The following NELL1 variants were observed in gnomAD, a reference collection of about 807,000 sequenced individuals.
NELL1 encodes the protein protein kinase C-binding protein NELL1.
Under a neutral mutation model 107.4 loss-of-function variants are expected in NELL1, and 76 were observed. The ratio of observed to expected loss-of-function variants is 0.71; its 90% confidence interval spans 0.59 to 0.86. NELL1 has a LOEUF of 0.86. Ranked by LOEUF, NELL1 falls within the 40% of genes least tolerant of loss-of-function variation. NELL1 has a pLI of 0.00. For missense variants in NELL1, 1,024 were observed against 1,005.5 expected (o/e 1.02, Z -0.25); for synonymous variants, 353 against 341.2 (o/e 1.03, Z -0.38).
At chr11:21,420,388 G>A (rs1470609977) in intron 15 of NELL1, among the ~76,000 whole-genome samples, 1 of 152,108 alleles carries the variant, frequency 6.6e-6, no homozygotes, top group East Asian at 1.9e-4. Context: ...TTGTAAAAAT[G>A]ATGTAAATGT....
chr11:20,775,314 T>C (rs1286400243), intron 2 of NELL1, among the ~76,000 whole-genome samples: 1 of 152,264 alleles, frequency 6.6e-6, no homozygotes, highest in Non-Finnish European at 1.5e-5. Flanking sequence ...TTTCAGAGTA[T>C]TGGCTGGACA....
intron 3 of NELL1, among the ~76,000 whole-genome samples, chr11:20,839,735 C>A (rs1287046502): frequency 1.3e-5 from 2 of 152,216 alleles, no homozygotes; most frequent in African/African-American, 4.8e-5. Context: ...CACAAGATAT[C>A]TGGGTTCTGA....
intron 14 of NELL1, among the ~76,000 whole-genome samples, chr11:21,310,255 C>T (rs1476951871): frequency 1.3e-5 from 2 of 152,042 alleles, no homozygotes; most frequent in African/African-American, 2.4e-5. Context: ...CTTTCTTTTA[C>T]ATCAATCCTA....
intron 12 of NELL1, among the ~76,000 whole-genome samples, chr11:21,009,404 G>A (rs774125745): frequency 1.3e-5 from 2 of 152,100 alleles, no homozygotes; most frequent in Non-Finnish European, 1.5e-5. Flanking sequence ...TGTTCGTGGT[G>A]CTCACTGCTG....
intron 2 of NELL1, among the ~76,000 whole-genome samples, chr11:20,728,126 G>A (rs377286873): frequency 2.0e-5 from 3 of 152,116 alleles, no homozygotes; most frequent in Non-Finnish European, 4.4e-5. Context: ...GTTTGTTCAC[G>A]TCTTTTATGT....
intron 9 of NELL1, among the ~76,000 whole-genome samples, chr11:20,931,563 G>T (rs894301554): frequency 1.3e-5 from 2 of 151,956 alleles, no homozygotes; most frequent in African/African-American, 4.8e-5. Context: ...CCTTTTGTCA[G>T]TTAAAAAATA....
At chr11:21,296,743 G>A (rs1399746262) in intron 14 of NELL1, among the ~76,000 whole-genome samples, 1 of 151,854 alleles carries the variant, frequency 6.6e-6, no homozygotes, top group Admixed American at 6.6e-5. Flanking sequence ...GATGAATTTG[G>A]AAAATCTGAG....
chr11:21,280,541 G>A (rs1365022842), intron 14 of NELL1, among the ~76,000 whole-genome samples: 1 of 152,102 alleles, frequency 6.6e-6, no homozygotes, highest in Non-Finnish European at 1.5e-5. Flanking sequence ...GGAGAGCATA[G>A]TGATTCTGAG....
chr11:21,553,212 A>G (rs1856632933), intron 16 of NELL1, among the ~76,000 whole-genome samples: 1 of 151,838 alleles, frequency 6.6e-6, no homozygotes, highest in Non-Finnish European at 1.5e-5. Flanking sequence ...CTGTCAAAAT[A>G]GAGAGTTAGT....
chr11:21,112,694 G>A (rs1221158441), intron 12 of NELL1, among the ~76,000 whole-genome samples: 2 of 151,962 alleles, frequency 1.3e-5, no homozygotes, highest in East Asian at 1.9e-4. Flanking sequence ...TGACCATTGG[G>A]ACAAAATGAT....
chr11:21,051,518 C>T (rs960081736), intron 12 of NELL1, among the ~76,000 whole-genome samples: 8 of 151,660 alleles, frequency 5.3e-5, no homozygotes, highest in Non-Finnish European at 1.2e-4. Context: ...CACCTGTTCC[C>T]CAAAAACTTG....
intron 14 of NELL1, among the ~76,000 whole-genome samples, chr11:21,330,968 A>T (rs903828272): frequency 6.6e-5 from 10 of 152,014 alleles, no homozygotes; most frequent in Non-Finnish European, 1.5e-4. Context: ...AGGTTAGCTG[A>T]TTCTTCTACC....
intron 13 of NELL1, among the ~76,000 whole-genome samples, chr11:21,193,216 G>T (rs373476986): frequency 1.3e-5 from 2 of 151,846 alleles, no homozygotes; most frequent in Non-Finnish European, 2.9e-5. Context: ...TAGTTGATCT[G>T]TTTTGCCCAA....
intron 13 of NELL1, among the ~76,000 whole-genome samples, chr11:21,212,931 A>C (rs1289871775): frequency 6.6e-6 from 1 of 152,238 alleles, no homozygotes; most frequent in East Asian, 1.9e-4. Flanking sequence ...ATCTATTTAC[A>C]GAAGGCATAA....
intron 15 of NELL1, among the ~76,000 whole-genome samples, chr11:21,523,883 A>ATG (rs143630794): frequency 3.6e-4 from 55 of 151,550 alleles, no homozygotes; most frequent in South Asian, 8.3e-4. Context: ...CTTTTTTCAT[A>ATG]TGTGTGTGTG....
chr11:20,792,747 T>C (rs1479515026), intron 3 of NELL1, among the ~76,000 whole-genome samples: 1 of 151,948 alleles, frequency 6.6e-6, no homozygotes, highest in Non-Finnish European at 1.5e-5. Flanking sequence ...CTTTGTATCA[T>C]TAAATAATGA....
intron 10 of NELL1, 50 bp from the exon 11 acceptor site, chr11:20,947,286 T>C: frequency 8.0e-7 from 1 of 1,250,862 alleles, no homozygotes; most frequent in Non-Finnish European, 1.2e-6. Context: ...GTTTGTTCCA[T>C]TGACTAAAAA....
intron 3 of NELL1, among the ~76,000 whole-genome samples, chr11:20,826,073 G>A (rs921275685): frequency 1.3e-5 from 2 of 151,456 alleles, no homozygotes; most frequent in African/African-American, 4.8e-5. Flanking sequence ...ATGTGAAGAA[G>A]GATGTGTTTG....
In NELL1 at chr11:21,416,456, A is replaced by G. The variant is rs141932206; in HGVS notation, c.1645+45508A>G. Among the ~76,000 whole-genome samples, 159 of 152,256 alleles carry G rather than the reference A, an allele frequency of 1.0e-3. 2 individuals carry two copies. The highest frequency in any genetic ancestry group is 3.8e-3 in the African/African-American group (158 of 41,582). ...TGCTTCCTGCATTAATTAGTCATCA[A>G]CTAAGGAAAATGAGGAGAAAGAAAT... On this transcript the variant is annotated intron_variant, in intron 15 of 19. Transcript: ENST00000357134.
Sources: allele counts gnomAD v4.1 joint callset (sites outside exome capture counted in the v4.1 genomes callset), GRCh38; gene constraint gnomAD v4.1.1; transcripts MANE v1.5; gene names NCBI Gene and HGNC (gene_info 2026-07-23, HGNC 2026-07-21).